PCDH9: variants seen among roughly 807,000 people sequenced by gnomAD.
PCDH9 encodes the protein protocadherin-9.
PCDH9 carries 24 observed loss-of-function variants against 70.6 expected under a neutral mutation model. That is an observed-to-expected ratio of 0.34 (90% confidence interval 0.25 to 0.48). PCDH9 has a LOEUF of 0.48. PCDH9 is among the 20% of genes least tolerant of loss of function. The probability of loss-of-function intolerance (pLI) is 0.99; values close to 1 mark genes in which losing one functional copy is unlikely to be tolerated. For synonymous variants in PCDH9, 562 were observed against 558.5 expected, an observed-to-expected ratio of 1.01 and a Z score of -0.09; for missense variants, 1,281 against 1,503.6, an observed-to-expected ratio of 0.85 and a Z score of 2.45.
intron 2 of PCDH9, among the ~76,000 whole-genome samples, chr13:67,096,539 GATCCTGATTAATTAC>G (rs1478033517): frequency 1.3e-5 from 2 of 152,098 alleles, no homozygotes; most frequent in Non-Finnish European, 2.9e-5. Context: ...CAAGGAAGAG[GATCCTGATTAATTAC>G]ATCAGGTTGG....
chr13:67,135,540 C>A (rs1413727472), intron 2 of PCDH9, among the ~76,000 whole-genome samples: 2 of 152,048 alleles, frequency 1.3e-5, no homozygotes. Context: ...AACATCTAGC[C>A]AAATGCCAGT....
intron 3 of PCDH9, among the ~76,000 whole-genome samples, chr13:66,635,450 T>G (rs2077625330): frequency 6.6e-6 from 1 of 152,116 alleles, no homozygotes. Flanking sequence ...GAAATTCTAC[T>G]CTACACAATT....
chr13:67,208,182 A>G (rs17592574), intron 2 of PCDH9: 1 of 152,202 alleles, frequency 6.6e-6, no homozygotes, highest in Non-Finnish European at 1.5e-5. Flanking sequence ...GATACTGCTA[A>G]TATTTCATCA....
In PCDH9 at chr13:67,180,240, G is replaced by A. The variant is rs144793222; in HGVS notation, c.3036+45165C>T. Among the ~76,000 whole-genome samples the A allele has an allele frequency of 2.0e-4, 31 of 152,170 alleles. No homozygotes were observed. In the East Asian group the frequency reaches 5.0e-3, roughly 25 times the overall value. ...ATTTTCTGCTTTATTGTATGTAATG[G>A]AAAATGAAAGAATAGACTGGCTGCA... On this transcript the variant is annotated intron_variant, in intron 2 of 4. Coordinates refer to ENST00000377865, the MANE Select transcript of PCDH9 (RefSeq NM_203487.3).
chr13:66,898,037 C>A (rs1367652096), intron 3 of PCDH9, among the ~76,000 whole-genome samples: 1 of 151,968 alleles, frequency 6.6e-6, no homozygotes, highest in Non-Finnish European at 1.5e-5. Context: ...AGTTTTGGAA[C>A]CTTCATGGTA....
At chr13:66,984,211 A>G (rs1288730678) in intron 2 of PCDH9, among the ~76,000 whole-genome samples, 2 of 152,146 alleles carry the variant, frequency 1.3e-5, no homozygotes, top group African/African-American at 2.4e-5. Context: ...CAGTTACTGT[A>G]ACACAAAACA....
At chr13:66,460,426 C>T (rs1239612793) in intron 4 of PCDH9, among the ~76,000 whole-genome samples, 1 of 151,896 alleles carries the variant, frequency 6.6e-6, no homozygotes, top group Non-Finnish European at 1.5e-5. Context: ...GAATGTTCTT[C>T]ATGGTCACAT....
intron 4 of PCDH9, among the ~76,000 whole-genome samples, chr13:66,324,177 C>G (rs901209767): frequency 1.3e-5 from 2 of 151,940 alleles, no homozygotes; most frequent in Non-Finnish European, 2.9e-5. Context: ...TGTGAAAGAC[C>G]ATGGGAAACC....
intron 4 of PCDH9, among the ~76,000 whole-genome samples, chr13:66,570,302 A>C (rs2076715514): frequency 6.6e-6 from 1 of 152,134 alleles, no homozygotes; most frequent in African/African-American, 2.4e-5. Flanking sequence ...TGTGATTATG[A>C]AAGAACATGA....
At chr13:66,748,899 G>A (rs2079413758) in intron 3 of PCDH9, among the ~76,000 whole-genome samples, 1 of 152,146 alleles carries the variant, frequency 6.6e-6, no homozygotes, top group South Asian at 2.1e-4. Flanking sequence ...GGCAGGACTA[G>A]GTGGAGATAA....
chr13:66,811,686 CT>C (rs1206941162), intron 3 of PCDH9, among the ~76,000 whole-genome samples: 2 of 151,184 alleles, frequency 1.3e-5, no homozygotes, highest in Admixed American at 1.3e-4. Flanking sequence ...GCCTGTCTGC[CT>C]TCTTTCCATC....
chr13:66,759,886 C>T (rs1247624449), intron 3 of PCDH9, among the ~76,000 whole-genome samples: 1 of 152,012 alleles, frequency 6.6e-6, no homozygotes, highest in Non-Finnish European at 1.5e-5. Context: ...TTACATATCA[C>T]CATTATAGTA....
At chr13:66,398,877 C>T (rs1427729543) in intron 4 of PCDH9, among the ~76,000 whole-genome samples, 2 of 152,118 alleles carry the variant, frequency 1.3e-5, no homozygotes, top group Non-Finnish European at 2.9e-5. Flanking sequence ...TAATTGTATA[C>T]TGTGAGATTT....
At position 66,627,876 on chromosome 13, in the gene PCDH9, T is replaced by C. The variant is rs1032152657; in HGVS notation, c.3340+3334A>G. On this transcript the variant is annotated intron_variant, in intron 4 of 4. Transcript: ENST00000377865. The stretch of plus-strand genomic sequence containing the variant: ...TTCCTGGTTTAGGACCTCTGCTATC[T>C]TTTTCCATTTGGCACCTGGCCCATT... Among the ~76,000 whole-genome samples, 3 of 152,338 alleles carry C rather than the reference T, an allele frequency of 2.0e-5. No homozygotes were observed. In the South Asian group the frequency reaches 6.2e-4, roughly 32 times the overall value.
intron 3 of PCDH9, among the ~76,000 whole-genome samples, chr13:66,845,608 G>A (rs1444354559): frequency 1.3e-5 from 2 of 152,184 alleles, no homozygotes; most frequent in Admixed American, 6.5e-5. Flanking sequence ...TGGATCCACA[G>A]CGCTAGCTTG....
At chr13:66,552,039 C>T (rs1961512019) in intron 4 of PCDH9, among the ~76,000 whole-genome samples, 1 of 152,030 alleles carries the variant, frequency 6.6e-6, no homozygotes, top group African/African-American at 2.4e-5. Context: ...AGTTGTCAAT[C>T]CCCTATAGAG....
intron 4 of PCDH9, among the ~76,000 whole-genome samples, chr13:66,603,831 A>G (rs551824992): frequency 2.2e-4 from 34 of 152,158 alleles, no homozygotes; most frequent in African/African-American, 7.5e-4. Flanking sequence ...AAATCAACAG[A>G]GAAACATTTA....
At chr13:66,515,631 G>C (rs1959695700) in intron 4 of PCDH9, among the ~76,000 whole-genome samples, 1 of 151,872 alleles carries the variant, frequency 6.6e-6, no homozygotes, top group Admixed American at 6.6e-5. Context: ...CTAGGTCCAT[G>C]TAGTATGCAC....
At chr13:67,214,481 T>A (rs542005907) in intron 2 of PCDH9, 7 of 152,138 alleles carry the variant, frequency 4.6e-5, no homozygotes, top group Non-Finnish European at 7.4e-5. Context: ...ACGGTGAAAA[T>A]TCCCAGATGG....
Sources: allele counts gnomAD v4.1 joint callset (sites outside exome capture counted in the v4.1 genomes callset), GRCh38; gene constraint gnomAD v4.1.1; transcripts MANE v1.5; gene names NCBI Gene and HGNC (gene_info 2026-07-23, HGNC 2026-07-21).